Variants in JAK2 observed in about 807,000 individuals in gnomAD.
JAK2 encodes the protein Janus kinase 2.
In JAK2, 86 loss-of-function variants were observed where a neutral mutation model predicts 139.3. The ratio of observed to expected loss-of-function variants is 0.62; its 90% confidence interval spans 0.52 to 0.74. The LOEUF is 0.74. Ranked by LOEUF, JAK2 falls within the 30% of genes least tolerant of loss-of-function variation. JAK2 has a pLI of 0.00. For synonymous variants in JAK2, 490 were observed against 437.7 expected (o/e 1.12, Z -1.49); for missense variants, 1,421 against 1,360.3 (o/e 1.04, Z -0.70).
Position 5,041,222 on chromosome 9 carries a change from C to T in JAK2, c.351-3181C>T, listed in dbSNP as rs796627727. 1.4e-5 allele frequency: 20 copies of T among 1,466,200 alleles called. No individual in the cohort carries two copies. The African/African-American group carries it at 1.9e-4, about 14-fold the overall frequency. 90.8% of individuals were successfully genotyped at this position (1,466,200 alleles called of 1,614,324 possible). A position where few individuals can be genotyped will look rare whatever the true frequency, so the allele number is the denominator to read the frequency against. ...GAAGCCCGAGAACTTCCTGGTGGGG[C>T]GCCCGGGGACCAAGCGGCAGCACGC... On this transcript the variant is annotated intron_variant, in intron 4 of 24. Coordinates refer to ENST00000381652, the MANE Select transcript of JAK2 (RefSeq NM_004972.4).
chr9:5,095,151 A>T (rs1820888634), intron 22 of JAK2: 1 of 152,154 alleles, frequency 6.6e-6, no homozygotes, highest in Admixed American at 6.6e-5. Flanking sequence ...ATTAAACCAT[A>T]TCCTAAAGTA....
chr9:5,111,368 C>A, intron 22 of JAK2: 3 of 405,592 alleles, frequency 7.4e-6, no homozygotes, highest in Non-Finnish European at 1.4e-5. Flanking sequence ...ACCCCTCCTA[C>A]GCCAGCAGCT....
At chr9:5,034,333 A>G (rs1236933512) in intron 4 of JAK2, among the ~76,000 whole-genome samples, 3 of 152,108 alleles carry the variant, frequency 2.0e-5, no homozygotes, top group Non-Finnish European at 2.9e-5. Flanking sequence ...ACAGATCAAC[A>G]AGACAGAAAG....
At chr9:5,097,728 T>C (rs969800445) in intron 22 of JAK2, 2 of 152,200 alleles carry the variant, frequency 1.3e-5, no homozygotes, top group South Asian at 4.1e-4. Context: ...TAATTGGCAT[T>C]GTACTAGCTA....
At position 4,990,563 on chromosome 9, in the gene JAK2, A is replaced by G. The variant is rs543793961; in HGVS notation, c.-26+4541A>G. On this transcript the variant is annotated intron_variant, in intron 2 of 24. Transcript: ENST00000381652. ...AGAGAAAAGAGTGGGATTGCCCATA[A>G]TTAGCGGGTGGGTGAAAGGAGAGGA... Among the ~76,000 whole-genome samples, 4 of 152,208 alleles carry G rather than the reference A, an allele frequency of 2.6e-5. No homozygotes were observed. The South Asian group carries it at 8.3e-4, about 32-fold the overall frequency.
chr9:5,041,317 C>A (rs1305016814), intron 4 of JAK2: 9 of 764,962 alleles, frequency 1.2e-5, no homozygotes, highest in Middle Eastern at 2.5e-4. Context: ...ACATCCCGTG[C>A]AGCCAGCACA....
Position 5,050,625 on chromosome 9 carries a change from T to C in JAK2, c.469-61T>C, listed in dbSNP as rs942753438. On this transcript the variant is annotated intron_variant, in intron 5 of 24. Transcript: ENST00000381652. ...GAAAATTATGATTAAAATATAATCA[T>C]AGATTAAAACATGATAATGAAACTT... 6 of 1,460,816 alleles carry C rather than the reference T, an allele frequency of 4.1e-6. No individual in the cohort carries two copies. The South Asian group carries it at 5.9e-5, about 14-fold the overall frequency. The allele number at this position is 1,460,816 out of a possible 1,614,324, so 90.5% of individuals were successfully genotyped here. A position where few individuals can be genotyped will look rare whatever the true frequency, so the allele number is the denominator to read the frequency against.
At chr9:5,001,750 A>G (rs1820940588) in intron 2 of JAK2, among the ~76,000 whole-genome samples, 1 of 152,080 alleles carries the variant, frequency 6.6e-6, no homozygotes, top group South Asian at 2.1e-4. Flanking sequence ...CAGAATTGGT[A>G]CTATTTTTTC....
chr9:5,073,936 C>G (rs1272276716), intron 14 of JAK2, 151 bp downstream of exon 14: 5 of 594,742 alleles, frequency 8.4e-6, no homozygotes, highest in Admixed American at 3.1e-5. Context: ...CACTGTAGGA[C>G]TATTCAGTTA....
Position 5,115,180 on chromosome 9 carries a change from A to G in JAK2, c.3060-7824A>G, listed in dbSNP as rs550351716. Among the ~76,000 whole-genome samples, 8 of 152,326 alleles carry G rather than the reference A, an allele frequency of 5.3e-5. No individual in the cohort carries two copies. In the South Asian group the frequency reaches 1.2e-3, roughly 24 times the overall value. ...AATCTAGCCACCTGACAAAAGGCTA[A>G]TATCAAGAATCTACAAAGAACTTAA... On this transcript the variant is annotated intron_variant, in intron 22 of 24. Transcript: ENST00000381652.
intron 23 of JAK2, chr9:5,125,897 G>A (rs542418517): frequency 3.3e-5 from 5 of 151,710 alleles, no homozygotes; most frequent in African/African-American, 1.2e-4. Context: ...TATTTTCCTA[G>A]CTTATAATTC....
chr9:5,092,110 A>C (rs890455707), intron 22 of JAK2, among the ~76,000 whole-genome samples: 2 of 152,174 alleles, frequency 1.3e-5, no homozygotes, highest in African/African-American at 4.8e-5. Context: ...AAGCACAAGT[A>C]AATACATAAA....
chr9:5,084,972 G>A (rs1009912809), intron 19 of JAK2: 6 of 759,032 alleles, frequency 7.9e-6, no homozygotes, highest in Non-Finnish European at 8.9e-6. Flanking sequence ...TGAGATAGCT[G>A]CCAGAAAGAA....
At chr9:5,119,948 A>AT (rs1823487859) in intron 22 of JAK2, among the ~76,000 whole-genome samples, 1 of 152,230 alleles carries the variant, frequency 6.6e-6, no homozygotes, top group African/African-American at 2.4e-5. Context: ...AATTGATAAA[A>AT]TAAGTTTGAG....
chr9:5,058,844 G>C (rs1037815711), intron 8 of JAK2, among the ~76,000 whole-genome samples: 3 of 152,112 alleles, frequency 2.0e-5, no homozygotes, highest in African/African-American at 7.2e-5. Context: ...CTTCTTTGAA[G>C]AAATATATAT....
chr9:5,068,986 C>G, intron 10 of JAK2, 36 bp from the exon 11 acceptor site: 2 of 1,215,350 alleles, frequency 1.6e-6, no homozygotes, highest in East Asian at 4.8e-5. Flanking sequence ...TCCATTGTGA[C>G]TATCCCTCCC....
chr9:4,985,679 C>G (rs976222319), intron 1 of JAK2, 49 bp downstream of exon 1: 2 of 152,636 alleles, frequency 1.3e-5, no homozygotes, highest in African/African-American at 4.8e-5. Flanking sequence ...GCAGCTGTCT[C>G]TCCACCCCCT....
chr9:4,994,084 G>GA (rs1775561615), intron 2 of JAK2, among the ~76,000 whole-genome samples: 1 of 152,068 alleles, frequency 6.6e-6, no homozygotes, highest in Non-Finnish European at 1.5e-5. Flanking sequence ...TATCCTACTT[G>GA]TTTTTATTAG....
chr9:5,114,932 A>AAAACAAACAAACAAAC (rs537669733), intron 22 of JAK2: 9 of 178,062 alleles, frequency 5.1e-5, no homozygotes, highest in African/African-American at 1.9e-4. Context: ...GCCTGCTCAG[A>AAAACAAACAAACAAAC]AAACAAACAA....
Sources: gnomAD v4.1 joint callset for allele counts (sites outside exome capture counted in the v4.1 genomes callset) on GRCh38, gnomAD v4.1.1 for gene constraint, MANE v1.5 for transcripts, NCBI Gene and HGNC (gene_info 2026-07-23, HGNC 2026-07-21) for gene names.